Variants in CSMD1 observed in about 807,000 individuals in gnomAD.
CSMD1 encodes the protein CUB and sushi domain-containing protein 1.
A neutral mutation model predicts 417.5 loss-of-function variants in CSMD1; 213 were observed. The ratio of observed to expected loss-of-function variants is 0.51; its 90% CI spans 0.46 to 0.57. The LOEUF (loss-of-function observed/expected upper bound fraction) is 0.57, where lower values mean the gene tolerates loss of function less well. CSMD1 is among the 20% of genes least tolerant of loss of function. The pLI, the probability that CSMD1 is intolerant of heterozygous loss-of-function variation, is 0.00. For synonymous variants in CSMD1, 2,862 were observed against 1,736.8 expected, an observed-to-expected ratio of 1.65 and a Z score of -16.11; for missense variants, 6,923 against 4,529.7, an observed-to-expected ratio of 1.53 and a Z score of -15.17.
rs749285745 is a variant in CSMD1, at chr8:3,409,524, G to A, written c.1643C>T (p.Thr548Ile). Residue 548 changes from threonine to isoleucine, a missense_variant, in exon 13 of 70, where the codon ACA (threonine) becomes ATA (isoleucine). Coordinates refer to ENST00000635120, the MANE Select transcript of CSMD1 (RefSeq NM_033225.6). The stretch of plus-strand genomic sequence containing the variant: ...GGCCGCCGGGCATTCAAAGGTGAGT[G>A]TATCTCCATGGAGGAAACTGCTGCC... ...RTGSSFLHGD[T>I]LTFECPAAFE... 1.2e-6 allele frequency: 2 copies of A among 1,611,266 alleles called. No homozygotes were observed. Among genetic ancestry groups the A allele is most frequent in the Non-Finnish European group, 1.7e-6 (2 of 1,178,776 alleles).
intron 26 of CSMD1, among the ~76,000 whole-genome samples, chr8:3,238,107 A>T (rs1032473233): frequency 6.6e-6 from 1 of 151,874 alleles, no homozygotes; most frequent in Admixed American, 6.6e-5. Context: ...GAAGGGAGAT[A>T]CGGGTGGGGC....
chr8:4,478,461 T>A (rs1408431064), intron 2 of CSMD1, among the ~76,000 whole-genome samples: 1 of 152,126 alleles, frequency 6.6e-6, no homozygotes, highest in East Asian at 1.9e-4. Context: ...AAAAATTGAA[T>A]CAATAGTTTC....
At chr8:4,489,399 C>T (rs1801583883) in intron 2 of CSMD1, among the ~76,000 whole-genome samples, 1 of 152,200 alleles carries the variant, frequency 6.6e-6, no homozygotes, top group Admixed American at 6.5e-5. Context: ...CCCACCAAAA[C>T]ATTTACCATT....
At chr8:4,552,955 T>C (rs1797936523) in intron 2 of CSMD1, among the ~76,000 whole-genome samples, 2 of 152,216 alleles carry the variant, frequency 1.3e-5, no homozygotes, top group Non-Finnish European at 2.9e-5. Context: ...CTCCCGTCTC[T>C]TTCTGCTCTC....
intron 23 of CSMD1, among the ~76,000 whole-genome samples, chr8:3,341,878 GA>G (rs1807679976): frequency 6.6e-6 from 1 of 152,090 alleles, no homozygotes; most frequent in Admixed American, 6.6e-5. Context: ...ATCCAAGTAA[GA>G]AAACAAAATA....
chr8:4,700,562 A>G (rs1807461004), intron 1 of CSMD1, among the ~76,000 whole-genome samples: 1 of 152,174 alleles, frequency 6.6e-6, no homozygotes, highest in South Asian at 2.1e-4. Context: ...GAAAAACTTA[A>G]GTGTGATTTG....
At chr8:2,963,554 A>C (rs1803687794) in intron 59 of CSMD1, among the ~76,000 whole-genome samples, 159 bp from the exon 60 acceptor site, 1 of 152,260 alleles carries the variant, frequency 6.6e-6, no homozygotes, top group Non-Finnish European at 1.5e-5. Context: ...ACAGTACATC[A>C]AAATAACAAA....
chr8:2,946,927 T>C (rs561987365), intron 68 of CSMD1, among the ~76,000 whole-genome samples: 1 of 152,184 alleles, frequency 6.6e-6, no homozygotes, highest in Non-Finnish European at 1.5e-5. Flanking sequence ...CTTGTGGACA[T>C]GAAGGGGTAT....
intron 3 of CSMD1, among the ~76,000 whole-genome samples, chr8:4,089,727 T>C (rs888728041): frequency 6.6e-6 from 1 of 152,194 alleles, no homozygotes; most frequent in Non-Finnish European, 1.5e-5. Context: ...ATTATTTTAA[T>C]TATTATTGAC....
intron 3 of CSMD1, among the ~76,000 whole-genome samples, chr8:4,139,068 G>C (rs1340386012): frequency 1.3e-5 from 2 of 152,106 alleles, no homozygotes; most frequent in Non-Finnish European, 2.9e-5. Context: ...ACCAAAAACA[G>C]AGCAACAATG....
chr8:4,638,863 G>T (rs1012075419), intron 1 of CSMD1, among the ~76,000 whole-genome samples: 2 of 152,184 alleles, frequency 1.3e-5, no homozygotes, highest in African/African-American at 2.4e-5. Context: ...ATTTCATTCT[G>T]CCTCTGCCTC....
At chr8:4,309,480 T>C (rs1048285843) in intron 3 of CSMD1, among the ~76,000 whole-genome samples, 5 of 152,106 alleles carry the variant, frequency 3.3e-5, no homozygotes, top group Non-Finnish European at 7.3e-5. Flanking sequence ...AAATATTAAA[T>C]GCATTTTCTC....
chr8:4,040,544 G>C (rs998666838), intron 3 of CSMD1, among the ~76,000 whole-genome samples: 3 of 152,188 alleles, frequency 2.0e-5, no homozygotes, highest in Non-Finnish European at 4.4e-5. Flanking sequence ...TGATGATAAA[G>C]TGTGATTAGA....
At chr8:3,338,208 G>C (rs139714698) in intron 23 of CSMD1, among the ~76,000 whole-genome samples, 2 of 152,290 alleles carry the variant, frequency 1.3e-5, no homozygotes, top group African/African-American at 2.4e-5. Context: ...AACCACACGT[G>C]TATGCCTGTC....
intron 2 of CSMD1, among the ~76,000 whole-genome samples, chr8:4,430,659 G>A (rs928931158): frequency 2.6e-5 from 4 of 151,792 alleles, no homozygotes; most frequent in East Asian, 1.9e-4. Context: ...AAGTTATTTT[G>A]GGCAAGTTAT....
intron 33 of CSMD1, among the ~76,000 whole-genome samples, chr8:3,199,286 A>G (rs1796865450): frequency 6.6e-6 from 1 of 152,164 alleles, no homozygotes; most frequent in African/African-American, 2.4e-5. Flanking sequence ...GTTTTGTTAA[A>G]TTTCCATTTA....
intron 3 of CSMD1, among the ~76,000 whole-genome samples, chr8:4,311,180 C>T (rs113532776): frequency 7.9e-5 from 12 of 152,194 alleles, no homozygotes; most frequent in African/African-American, 2.6e-4. Flanking sequence ...AATCATTCCA[C>T]CATAAAGACA....
chr8:4,910,834 T>C (rs923732870), intron 1 of CSMD1, among the ~76,000 whole-genome samples: 3 of 152,328 alleles, frequency 2.0e-5, no homozygotes, highest in African/African-American at 7.2e-5. Context: ...GTCATCAAAC[T>C]GATATGGTTT....
intron 3 of CSMD1, among the ~76,000 whole-genome samples, chr8:4,199,028 T>G (rs971672178): frequency 6.6e-6 from 1 of 152,132 alleles, no homozygotes; most frequent in Non-Finnish European, 1.5e-5. Flanking sequence ...CAATCCCCTA[T>G]GTACAGTGAG....
Sources: allele counts gnomAD v4.1 joint callset (sites outside exome capture counted in the v4.1 genomes callset), GRCh38; gene constraint gnomAD v4.1.1; transcripts MANE v1.5; gene names NCBI Gene and HGNC (gene_info 2026-07-23, HGNC 2026-07-21).